NOL4L: variants seen among roughly 807,000 people sequenced by gnomAD.
NOL4L encodes nucleolar protein 4 like, also known as nucleolar protein 4-like.
Under a neutral mutation model 64.5 loss-of-function variants are expected in NOL4L, and 7 were observed. That is an observed-to-expected ratio of 0.11 (90% confidence interval 0.06 to 0.20). NOL4L has a LOEUF of 0.20. Ranked by LOEUF, NOL4L falls within the 10% of genes least tolerant of loss-of-function variation. The probability of loss-of-function intolerance (pLI) is 1.00; values close to 1 mark genes in which losing one functional copy is unlikely to be tolerated. For missense variants in NOL4L, 680 were observed against 967.1 expected, an observed-to-expected ratio of 0.70 and a Z score of 3.94; for synonymous variants, 413 against 401.0, an observed-to-expected ratio of 1.03 and a Z score of -0.36.
intron 4 of NOL4L, among the ~76,000 whole-genome samples, chr20:32,477,439 C>A (rs1052372619): frequency 1.3e-5 from 2 of 152,244 alleles, no homozygotes; most frequent in Non-Finnish European, 2.9e-5. Flanking sequence ...ATCCCAATTC[C>A]AAGCTGTATC....
At chr20:32,562,067 C>T (rs992680475) in intron 1 of NOL4L, among the ~76,000 whole-genome samples, 7 of 152,108 alleles carry the variant, frequency 4.6e-5, no homozygotes, top group African/African-American at 1.4e-4. Flanking sequence ...GCGCTTACTC[C>T]GAGGGCCATG....
chr20:32,500,530 A>ATTTTTTTTTTTTTTTTTTTT (rs2016878386), intron 4 of NOL4L, among the ~76,000 whole-genome samples: 4 of 99,314 alleles, frequency 4.0e-5, no homozygotes, highest in Non-Finnish European at 8.3e-5. Context: ...ATTTTTTTGT[A>ATTTTTTTTTTTTTTTTTTTT]TTTCTTTCTT....
At chr20:32,528,528 G>C (rs535306691) in intron 1 of NOL4L, among the ~76,000 whole-genome samples, 1 of 152,264 alleles carries the variant, frequency 6.6e-6, no homozygotes, top group African/African-American at 2.4e-5. Flanking sequence ...TGGCAGGGCC[G>C]TGTGAACGGG....
At chr20:32,535,680 C>A in intron 1 of NOL4L, 3 of 985,482 alleles carry the variant, frequency 3.0e-6, no homozygotes, top group Non-Finnish European at 3.6e-6. Context: ...TTGAGGATGT[C>A]ATCTCCTCCA....
intron 1 of NOL4L, among the ~76,000 whole-genome samples, chr20:32,551,652 C>A (rs575811442): frequency 6.6e-6 from 1 of 152,042 alleles, no homozygotes; most frequent in African/African-American, 2.4e-5. Flanking sequence ...TGTCTCCCTA[C>A]CTGGGGGAGG....
In NOL4L at chr20:32,453,681, C is replaced by T; in HGVS notation, c.1200G>A (p.Arg400=). 2.5e-6 allele frequency: 4 copies of T among 1,571,340 alleles called. No individual in the cohort carries two copies. The highest frequency in any genetic ancestry group is 2.6e-6 in the Non-Finnish European group (3 of 1,158,236). ...SGCPEDLTVG[R]APTADDDDDD... is the part of the protein sequence containing the mutation. ...CGTCGTCATCATCTGCCGTCGGGGCCCGGCCCACTGTCAGGTCCTCAGGGC... is the reference window on the plus strand; with the variant it reads ...CGTCGTCATCATCTGCCGTCGGGGCTCGGCCCACTGTCAGGTCCTCAGGGC... Residue 400 remains arginine, a synonymous_variant, in exon 7 of 11, where the codon CGG becomes CGA. Coordinates refer to ENST00000621426, the MANE Select transcript of NOL4L (RefSeq NM_001256798.2). This position sits in a 1 kb window ranked among gnomAD's most constrained non-coding sequence, Gnocchi z 5.6.
chr20:32,484,921 G>A (rs2015990679), intron 4 of NOL4L, among the ~76,000 whole-genome samples: 1 of 151,522 alleles, frequency 6.6e-6, no homozygotes, highest in Admixed American at 6.6e-5. Context: ...CCCCGATGGA[G>A]AAAATGGGTC....
Position 32,479,471 on chromosome 20 carries a change from C to T in NOL4L, c.700-4729G>A, listed in dbSNP as rs562310440. ...TGTGGGCTGGGTGTGATGGCTCACA[C>T]CTGTAATGCCAACATTTTGGGAGGC... On this transcript the variant is annotated intron_variant, in intron 4 of 10. Coordinates refer to ENST00000621426, the MANE Select transcript of NOL4L (RefSeq NM_001256798.2). 2.1e-4 allele frequency among the ~76,000 whole-genome samples: 32 copies of T among 152,314 alleles called. 1 individual carries two copies. The highest frequency in any genetic ancestry group is 7.2e-4 in the African/African-American group (30 of 41,566).
chr20:32,474,824 G>A, intron 4 of NOL4L, 82 bp from the exon 5 acceptor site: 1 of 1,478,922 alleles, frequency 6.8e-7, no homozygotes, highest in South Asian at 1.3e-5. Flanking sequence ...GGACCCCAGG[G>A]CCAGTGGGCG....
rs981940108 is a variant in NOL4L, at chr20:32,444,222, T to G, written c.*3374A>C. The G allele has an allele frequency of 3.3e-4, 50 of 152,198 alleles. No homozygotes were observed. Among genetic ancestry groups the G allele is most frequent in the Non-Finnish European group, 4.9e-4 (33 of 68,038 alleles). 9.4% of individuals were successfully genotyped at this position (152,198 alleles called of 1,614,324 possible). On this transcript the variant is annotated 3_prime_UTR_variant, in exon 11 of 11. Transcript: ENST00000621426. ...AGATACAGGCGAAAAAGGATTGAGC[T>G]GTTTAGCTCAGAAACAACAAAAACA... is the stretch of plus-strand genomic sequence containing the variant.
intron 4 of NOL4L, among the ~76,000 whole-genome samples, chr20:32,476,098 G>A (rs543833246): frequency 4.0e-5 from 6 of 151,702 alleles, no homozygotes; most frequent in South Asian, 2.1e-4. Flanking sequence ...ACAGGCACAC[G>A]CACTCACTCT....
chr20:32,528,180 A>G (rs1274138390), intron 1 of NOL4L, among the ~76,000 whole-genome samples: 1 of 152,238 alleles, frequency 6.6e-6, no homozygotes, highest in African/African-American at 2.4e-5. Context: ...CCATGTTCAC[A>G]ATTTCAGACA....
In NOL4L at chr20:32,485,058, C is replaced by CAAAAA. The variant is rs57444583; in HGVS notation, c.700-10321_700-10317dup. ...TCGTGGAATTCTGTGGGGAAATTGC[C>CAAAAA]AAAAAAAAAAAAAAAAAAAAAAAAA... On this transcript the variant is annotated intron_variant, in intron 4 of 10. Transcript: ENST00000621426. 9.1e-3 allele frequency among the ~76,000 whole-genome samples: 161 copies of CAAAAA among 17,758 alleles called. 2 individuals are homozygous for CAAAAA. The highest frequency in any genetic ancestry group is 0.031 in the Middle Eastern group (1 of 32). The allele number at this position is 17,758 out of a possible 152,430, so 11.6% of individuals were successfully genotyped here.
At chr20:32,493,985 G>A (rs551374318) in intron 4 of NOL4L, among the ~76,000 whole-genome samples, 1 of 152,256 alleles carries the variant, frequency 6.6e-6, no homozygotes, top group Admixed American at 6.5e-5. Context: ...AGGCGCAGTG[G>A]CTCATGCCTA....
intron 4 of NOL4L, among the ~76,000 whole-genome samples, chr20:32,488,876 TTTC>T: frequency 9.9e-6 from 1 of 100,896 alleles, no homozygotes; most frequent in Non-Finnish European, 1.8e-5. Flanking sequence ...TCTTTCTTTC[TTTC>T]TTTCTTTCTT....
At chr20:32,469,271 C>G (rs1192222776) in intron 5 of NOL4L, among the ~76,000 whole-genome samples, 1 of 152,160 alleles carries the variant, frequency 6.6e-6, no homozygotes, top group Non-Finnish European at 1.5e-5. Context: ...AAATGAGGCT[C>G]TGGTTACTTA....
At chr20:32,513,933 G>C (rs535933854) in intron 3 of NOL4L, among the ~76,000 whole-genome samples, 3 of 152,152 alleles carry the variant, frequency 2.0e-5, no homozygotes, top group Non-Finnish European at 4.4e-5. Flanking sequence ...AGGAAAAAAA[G>C]TCTGCCAACA....
intron 2 of NOL4L, 107 bp downstream of exon 2, chr20:32,527,651 C>T: frequency 3.0e-6 from 4 of 1,343,648 alleles, no homozygotes; most frequent in Non-Finnish European, 4.0e-6. Flanking sequence ...GCCGTTTCAT[C>T]ACGCCTCAGC....
At chr20:32,458,892 G>C (rs569112036) in intron 5 of NOL4L, among the ~76,000 whole-genome samples, 1 of 152,198 alleles carries the variant, frequency 6.6e-6, no homozygotes, top group Non-Finnish European at 1.5e-5. Flanking sequence ...CTTGCCCTCC[G>C]CCACTGTGAG....
Sources: allele counts gnomAD v4.1 joint callset (sites outside exome capture counted in the v4.1 genomes callset), GRCh38; gene constraint gnomAD v4.1.1; non-coding constraint Gnocchi (gnomAD v3.1); transcripts MANE v1.5; gene names NCBI Gene and HGNC (gene_info 2026-07-23, HGNC 2026-07-21).